Variants in RPL26L1 observed in about 807,000 individuals in gnomAD.
The protein encoded by RPL26L1 is ribosomal protein uL24-like.
Under a neutral mutation model 15.2 loss-of-function variants are expected in RPL26L1, and 8 were observed. The observed-to-expected ratio is 0.53, with a 90% CI of 0.31 to 0.95. The LOEUF (loss-of-function observed/expected upper bound fraction) is 0.95. Among genes scored for constraint, RPL26L1 ranks in the 40% least tolerant of loss-of-function variants. The probability of loss-of-function intolerance (pLI) is 0.05; values close to 1 mark genes in which losing one functional copy is unlikely to be tolerated. For missense variants in RPL26L1, 146 were observed against 190.9 expected, an observed-to-expected ratio of 0.76 and a Z score of 1.39; for synonymous variants, 51 against 65.9, an observed-to-expected ratio of 0.77 and a Z score of 1.09.
intron 3 of RPL26L1, among the ~76,000 whole-genome samples, chr5:172,968,937 A>C (rs1345282422): frequency 6.7e-6 from 1 of 149,964 alleles, no homozygotes; most frequent in East Asian, 2.0e-4. Flanking sequence ...CCTCCCAAGT[A>C]GCTGGGACTA....
At chr5:172,967,356 T>C (rs1040535030) in intron 2 of RPL26L1, among the ~76,000 whole-genome samples, 1 of 152,014 alleles carries the variant, frequency 6.6e-6, no homozygotes, top group Non-Finnish European at 1.5e-5. Flanking sequence ...TCCCAGCTAC[T>C]TGGGAGGCTG....
intron 2 of RPL26L1, 69 bp downstream of exon 2, chr5:172,960,110 A>G (rs1755172594): frequency 1.3e-6 from 2 of 1,569,528 alleles, no homozygotes; most frequent in African/African-American, 1.3e-5. Context: ...TGGAGCAGTC[A>G]CAGACTCACA....
intron 2 of RPL26L1, among the ~76,000 whole-genome samples, chr5:172,965,296 T>C (rs1210540769): frequency 6.6e-6 from 1 of 152,246 alleles, no homozygotes; most frequent in African/African-American, 2.4e-5. Context: ...CTTCTTTCTC[T>C]GTAGTTTCTT....
intron 2 of RPL26L1, among the ~76,000 whole-genome samples, chr5:172,967,246 C>G (rs760373574): frequency 2.0e-5 from 3 of 151,918 alleles, no homozygotes; most frequent in Non-Finnish European, 2.9e-5. Context: ...AGGCAGATCA[C>G]TTGAGGTCAG....
upstream of RPL26L1, chr5:172,955,158 C>T (rs1485757191): frequency 8.1e-5 from 26 of 319,882 alleles, no homozygotes; most frequent in African/African-American, 5.2e-4. Flanking sequence ...TTTTTTGAGA[C>T]GGAGTCATTG....
At chr5:172,958,312 A>G (rs1176819731), upstream of RPL26L1, 3 of 447,440 alleles carry the variant, frequency 6.7e-6, no homozygotes, top group African/African-American at 6.1e-5. Flanking sequence ...CAGGTGTTTA[A>G]CAATGTCACC....
chr5:172,965,155 C>T (rs1196684363), intron 2 of RPL26L1, among the ~76,000 whole-genome samples: 1 of 152,096 alleles, frequency 6.6e-6, no homozygotes. Context: ...CACTGCACTC[C>T]AGCATGGGTA....
chr5:172,958,364 G>A (rs1391523437), upstream of RPL26L1: 5 of 456,146 alleles, frequency 1.1e-5, no homozygotes, highest in Admixed American at 7.0e-5. Flanking sequence ...AGAGAGCACG[G>A]GACCTGCCTG....
chr5:172,954,466 G>T (rs941861573), upstream of RPL26L1, among the ~76,000 whole-genome samples: 1 of 151,512 alleles, frequency 6.6e-6, no homozygotes, highest in Non-Finnish European at 1.5e-5. Flanking sequence ...GGGAGGCTGC[G>T]GTGGGGGCAG....
intron 2 of RPL26L1, among the ~76,000 whole-genome samples, chr5:172,961,166 G>A (rs540796716): frequency 5.3e-5 from 8 of 152,290 alleles, no homozygotes; most frequent in East Asian, 1.9e-4. Flanking sequence ...ACTCTTTGAA[G>A]GTTTGGGGAT....
chr5:172,967,503 AG>A (rs1247578919), intron 2 of RPL26L1, among the ~76,000 whole-genome samples: 1 of 151,400 alleles, frequency 6.6e-6, no homozygotes, highest in Admixed American at 6.6e-5. Flanking sequence ...CTTGCTTTCA[AG>A]GAAACCCTAA....
At chr5:172,964,441 A>G (rs1755373579) in intron 2 of RPL26L1, among the ~76,000 whole-genome samples, 1 of 151,628 alleles carries the variant, frequency 6.6e-6, no homozygotes, top group East Asian at 1.9e-4. Flanking sequence ...ACACACCACC[A>G]TGCCTGGCTA....
At chr5:172,961,828 T>C (rs1755243053) in intron 2 of RPL26L1, among the ~76,000 whole-genome samples, 1 of 152,242 alleles carries the variant, frequency 6.6e-6, no homozygotes, top group South Asian at 2.1e-4. Flanking sequence ...AACCTGTATA[T>C]CTGACTACCT....
chr5:172,958,425 G>T (rs1289750756), upstream of RPL26L1: 5 of 456,170 alleles, frequency 1.1e-5, no homozygotes, highest in East Asian at 3.5e-4. Context: ...GTTTCAGCAT[G>T]CCGGCATTTG....
At chr5:172,958,436 G>A (rs535551584), upstream of RPL26L1, 11 of 456,208 alleles carry the variant, frequency 2.4e-5, no homozygotes, top group African/African-American at 1.8e-4. Flanking sequence ...CCGGCATTTG[G>A]CACTAAGTTG....
chr5:172,963,964 C>T (rs1755346709), intron 2 of RPL26L1, among the ~76,000 whole-genome samples: 1 of 152,100 alleles, frequency 6.6e-6, no homozygotes, highest in Non-Finnish European at 1.5e-5. Context: ...TGTTTGTTGT[C>T]TGACCTCAGT....
chr5:172,956,973 G>C (rs1305926219), upstream of RPL26L1: 1 of 319,810 alleles, frequency 3.1e-6, no homozygotes, highest in African/African-American at 2.2e-5. Context: ...AAACCAATGA[G>C]GTAAGTACTA....
intron 2 of RPL26L1, among the ~76,000 whole-genome samples, chr5:172,961,110 A>G (rs77635042): frequency 0.015 from 2,218 of 152,270 alleles, 28 homozygotes; most frequent in Non-Finnish European, 0.023. Flanking sequence ...TAGAGAATGA[A>G]ATGACATAAG....
upstream of RPL26L1, chr5:172,955,796 T>C (rs1038494997): frequency 2.0e-5 from 3 of 152,182 alleles, no homozygotes; most frequent in Non-Finnish European, 2.9e-5. Flanking sequence ...TATCTCCTTT[T>C]TAGGAAGGAG....
Sources: allele counts gnomAD v4.1 joint callset (sites outside exome capture counted in the v4.1 genomes callset), GRCh38; gene constraint gnomAD v4.1.1; transcripts MANE v1.5; gene names NCBI Gene and HGNC (gene_info 2026-07-23, HGNC 2026-07-21).